The following FMN1 variants were observed in gnomAD, a reference collection of about 807,000 sequenced individuals.
The protein encoded by FMN1 is formin-1.
Under a neutral mutation model 132.4 loss-of-function variants are expected in FMN1, and 110 were observed. The ratio of observed to expected loss-of-function variants is 0.83; its 90% confidence interval spans 0.71 to 0.97. FMN1 has a LOEUF of 0.97. FMN1 is among the 50% of genes least tolerant of loss of function. FMN1 has a pLI of 0.00. For synonymous variants in FMN1, 722 were observed against 651.7 expected (o/e 1.11, Z -1.64); for missense variants, 1,792 against 1,705.3 (o/e 1.05, Z -0.90).
At chr15:33,016,584 C>T (rs569995861) in intron 6 of FMN1, among the ~76,000 whole-genome samples, 1 of 152,190 alleles carries the variant, frequency 6.6e-6, no homozygotes, top group South Asian at 2.1e-4. Context: ...CAGCTGCCAG[C>T]AGAGCTTTTT....
At chr15:33,124,879 A>C (rs1384458718) in intron 4 of FMN1, among the ~76,000 whole-genome samples, 2 of 151,634 alleles carry the variant, frequency 1.3e-5, no homozygotes, top group African/African-American at 4.9e-5. Context: ...CGGGAAACAA[A>C]TCATAGAGCC....
chr15:32,795,114 T>C (rs2057237262), intron 19 of FMN1, among the ~76,000 whole-genome samples: 1 of 152,152 alleles, frequency 6.6e-6, no homozygotes, highest in African/African-American at 2.4e-5. Flanking sequence ...GCAGGAGGAT[T>C]GCTTGAGCCC....
chr15:33,124,848 ATT>A (rs56689144), intron 4 of FMN1, among the ~76,000 whole-genome samples: 5 of 146,858 alleles, frequency 3.4e-5, no homozygotes, highest in Non-Finnish European at 6.0e-5. Flanking sequence ...ATTTTTCTGC[ATT>A]TTTTTTTTTA....
intron 7 of FMN1, among the ~76,000 whole-genome samples, chr15:32,983,681 C>T (rs2032860853): frequency 6.6e-6 from 1 of 152,116 alleles, no homozygotes; most frequent in Non-Finnish European, 1.5e-5. Context: ...TGAAAAAAGA[C>T]ATTATCACAG....
intron 16 of FMN1, among the ~76,000 whole-genome samples, chr15:32,869,527 A>C (rs998108336): frequency 6.6e-6 from 1 of 152,242 alleles, no homozygotes; most frequent in Admixed American, 6.5e-5. Flanking sequence ...AAGTATATAT[A>C]AAAGTCTGCA....
chr15:33,073,467 A>T (rs1278239258), intron 5 of FMN1, among the ~76,000 whole-genome samples: 3 of 152,208 alleles, frequency 2.0e-5, no homozygotes, highest in Non-Finnish European at 4.4e-5. Flanking sequence ...ACTGGGAAAA[A>T]TAAGTAAGTT....
intron 6 of FMN1, among the ~76,000 whole-genome samples, chr15:33,037,849 A>G (rs895197330): frequency 3.3e-5 from 5 of 152,242 alleles, no homozygotes; most frequent in Admixed American, 2.0e-4. Flanking sequence ...CATATTTTTA[A>G]GTTGACATCC....
chr15:32,995,509 G>A (rs1413923344), intron 7 of FMN1, among the ~76,000 whole-genome samples: 2 of 152,144 alleles, frequency 1.3e-5, no homozygotes, highest in African/African-American at 4.8e-5. Flanking sequence ...CCTATATGAG[G>A]ATTAAATAAA....
intron 10 of FMN1, among the ~76,000 whole-genome samples, chr15:32,918,331 G>C (rs1035045765): frequency 6.6e-6 from 1 of 152,064 alleles, no homozygotes; most frequent in Non-Finnish European, 1.5e-5. Context: ...AGAGACTATA[G>C]TATAGTTTAT....
chr15:32,833,707 G>A (rs1446516924), intron 17 of FMN1, among the ~76,000 whole-genome samples: 1 of 152,136 alleles, frequency 6.6e-6, no homozygotes, highest in Non-Finnish European at 1.5e-5. Context: ...TACCACTTAT[G>A]AGTAACTTCT....
chr15:32,787,303 A>C (rs546853749), intron 19 of FMN1, among the ~76,000 whole-genome samples: 1 of 152,356 alleles, frequency 6.6e-6, no homozygotes, highest in East Asian at 1.9e-4. Flanking sequence ...AACAGTAAGA[A>C]AGAATGGGTA....
intron 17 of FMN1, among the ~76,000 whole-genome samples, chr15:32,812,152 T>C (rs916525145): frequency 2.0e-5 from 3 of 152,276 alleles, no homozygotes; most frequent in Middle Eastern, 3.4e-3. Flanking sequence ...GAAGCTATTT[T>C]CTCAGTTTCC....
At chr15:32,822,218 A>G (rs1291179542) in intron 17 of FMN1, among the ~76,000 whole-genome samples, 2 of 152,122 alleles carry the variant, frequency 1.3e-5, no homozygotes, top group Admixed American at 6.6e-5. Flanking sequence ...GTGTGGTGGC[A>G]TGCACCTGTA....
At chr15:33,112,346 C>G (rs558322378) in intron 4 of FMN1, among the ~76,000 whole-genome samples, 22 of 152,080 alleles carry the variant, frequency 1.4e-4, no homozygotes, top group African/African-American at 5.1e-4. Context: ...TTAAAAACAC[C>G]TATCTCTATG....
intron 5 of FMN1, chr15:33,066,712 A>G (rs1052898394): frequency 6.2e-7 from 1 of 1,613,434 alleles, no homozygotes; most frequent in Admixed American, 1.7e-5. Flanking sequence ...GCTTGACCTC[A>G]CCACCCTGGG....
chr15:33,139,806 C>T (rs890009746), intron 4 of FMN1, among the ~76,000 whole-genome samples: 1 of 152,114 alleles, frequency 6.6e-6, no homozygotes, highest in Admixed American at 6.5e-5. Context: ...TCATCTATAA[C>T]ATGAAGACAC....
At chr15:33,126,011 G>A (rs1963028462) in intron 4 of FMN1, among the ~76,000 whole-genome samples, 1 of 134,798 alleles carries the variant, frequency 7.4e-6, no homozygotes, top group South Asian at 2.3e-4. Context: ...CTACACATGA[G>A]ATAACAGTAA....
chr15:33,065,035 C>A lies in FMN1; in HGVS notation c.2083G>T (p.Gly695Cys). The A allele has an allele frequency of 1.9e-6, 3 of 1,611,412 alleles. No homozygotes were observed. The East Asian group carries it at 6.7e-5, about 36-fold the overall frequency. ...SLTEQDDRTP[G>C]RLQAVWPPPK... ...GGTGGCCAGACAGCTTGAAGTCTGC[C>A]AGGAGTCCTGTCATCCTGCTCAGTC... The change falls in exon 6 of 21, where the codon GGC becomes TGC. Residue 695 changes from glycine to cysteine, a missense_variant. Gly to Cys is a radical substitution (Grantham distance 159). Coordinates refer to ENST00000616417, the MANE Select transcript of FMN1 (RefSeq NM_001277313.2).
chr15:32,837,759 T>TTTCC (rs1366355941), intron 17 of FMN1, among the ~76,000 whole-genome samples: 3 of 152,318 alleles, frequency 2.0e-5, no homozygotes, highest in Non-Finnish European at 4.4e-5. Context: ...TTCTTCTTTT[T>TTTCC]TTCCTCAGAG....
Sources: allele counts gnomAD v4.1 joint callset (sites outside exome capture counted in the v4.1 genomes callset), GRCh38; gene constraint gnomAD v4.1.1; transcripts MANE v1.5; gene names NCBI Gene and HGNC (gene_info 2026-07-23, HGNC 2026-07-21).